ROGDI: variants seen among roughly 807,000 people sequenced by gnomAD.
The protein encoded by ROGDI is protein rogdi homolog.
A neutral mutation model predicts 43.1 loss-of-function variants in ROGDI; 46 were observed. That is an observed-to-expected ratio of 1.07 (90% CI 0.84 to 1.37). The LOEUF is 1.37. ROGDI is among the 40% of genes most tolerant of loss of function. The pLI, the probability that ROGDI is intolerant of heterozygous loss-of-function variation, is 0.00. For synonymous variants in ROGDI, 243 were observed against 162.0 expected (o/e 1.50, Z -3.80); for missense variants, 518 against 383.9 (o/e 1.35, Z -2.92).
intron 2 of ROGDI, 131 bp downstream of exon 2, chr16:4,802,251 G>T: frequency 1.2e-6 from 1 of 831,782 alleles, no homozygotes; most frequent in African/African-American, 1.7e-5. Context: ...CGCGGAGGCG[G>T]GGCCCTGCCT....
chr16:4,800,750 G>T (rs2082705187), intron 4 of ROGDI, 172 bp from the exon 5 acceptor site: 1 of 598,160 alleles, frequency 1.7e-6, no homozygotes. Context: ...GAACAGGGAG[G>T]TCAGGAAACA....
intron 5 of ROGDI, 51 bp from the exon 6 acceptor site, chr16:4,799,832 G>A (rs963272652): frequency 5.9e-6 from 8 of 1,359,784 alleles, no homozygotes; most frequent in Admixed American, 1.8e-5. Context: ...ATGCGGCCAG[G>A]AGGGGAGAGT....
intron 4 of ROGDI, chr16:4,800,884 A>C: frequency 2.0e-6 from 1 of 509,848 alleles, no homozygotes; most frequent in Non-Finnish European, 3.5e-6. Context: ...AGTGTCTACA[A>C]AGGGCAACAG....
chr16:4,798,430 A>T, intron 7 of ROGDI, 139 bp downstream of exon 7: 1 of 757,564 alleles, frequency 1.3e-6, no homozygotes, highest in Admixed American at 2.9e-5. Flanking sequence ...GAAGCCAAGG[A>T]CCCCATCCCA....
chr16:4,802,527 C>G lies in ROGDI; in HGVS notation c.45G>C (p.Leu15=). 2 of 1,255,022 alleles carry G rather than the reference C, an allele frequency of 1.6e-6. No individual in the cohort carries two copies. Among genetic ancestry groups the G allele is most frequent in the Non-Finnish European group, 2.0e-6 (2 of 996,414 alleles). 77.7% of individuals were successfully genotyped at this position (1,255,022 alleles called of 1,614,324 possible). A position where few individuals can be genotyped will look rare whatever the true frequency, so the allele number is the denominator to read the frequency against. Reference sequence around the variant, plus strand: ...CCGCCCGCTGGCCCGCGCGCCTTACCAGCACCGCCCGCTCCGCCGCCGTCG... The same window carrying G: ...CCGCCCGCTGGCCCGCGCGCCTTACGAGCACCGCCCGCTCCGCCGCCGTCG... ...MAATAAERAV[L]EEEFRWLLHD... is the part of the protein sequence containing the mutation. The change falls in exon 1 of 11, where the codon CTG becomes CTC. Residue 15 remains leucine (L), a splice_region_variant and synonymous_variant. Coordinates refer to ENST00000322048, the MANE Select transcript of ROGDI (RefSeq NM_024589.3).
In ROGDI at chr16:4,801,535, G is replaced by A. The variant is rs886311626; in HGVS notation, c.168C>T (p.Ala56=). 3 of 1,607,092 alleles carry A rather than the reference G, an allele frequency of 1.9e-6. No individual in the cohort carries two copies. Among genetic ancestry groups the A allele is most frequent in the Admixed American group, 1.7e-5 (1 of 58,766 alleles). ...TLPGSGTEGP[A]KQENFILGSC... ...TGCCTAGGATGAAGTTCTCTTGCTT[G>A]GCGGGCCCCTCAGTGCCGGAGCCCG... The change falls in exon 3 of 11, where the codon GCC becomes GCT. Residue 56 remains alanine (A), a synonymous_variant. Coordinates refer to ENST00000322048, the MANE Select transcript of ROGDI (RefSeq NM_024589.3).
At chr16:4,799,827 G>T (rs1295956440) in intron 5 of ROGDI, 46 bp from the exon 6 acceptor site, 8 of 1,382,214 alleles carry the variant, frequency 5.8e-6, no homozygotes, top group South Asian at 1.2e-5. Context: ...CTTCCATGCG[G>T]CCAGGAGGGG....
At position 4,799,752 on chromosome 16, in the gene ROGDI, T is replaced by C; in HGVS notation, c.366A>G (p.Gln122=). The change falls in exon 6 of 11, where the codon CAA becomes CAG. Residue 122 remains glutamine, a synonymous_variant. Transcript: ENST00000322048. ...CCCGGCTGGTAAGCAGGTAAATGGC[T>C]TGGCTCACATGGTTTCTGGCATCCT... ...QIQDARNHVS[Q]AIYLLTSRDQ... The C allele has an allele frequency of 6.2e-7, 1 of 1,613,738 alleles. No individual in the cohort carries two copies. The highest frequency in any genetic ancestry group is 1.1e-5 in the South Asian group (1 of 91,054).
At chr16:4,797,917 C>A in intron 9 of ROGDI, 21 bp downstream of exon 9, 1 of 1,598,904 alleles carries the variant, frequency 6.3e-7, no homozygotes, top group Non-Finnish European at 8.5e-7. Context: ...GTGCCTGGAC[C>A]CCCCGCCCCT....
chr16:4,802,068 G>A (rs2082734172), intron 2 of ROGDI: 4 of 613,788 alleles, frequency 6.5e-6, no homozygotes, highest in Non-Finnish European at 1.2e-5. Context: ...CTTGGCTGAA[G>A]TCACACTGCC....
intron 2 of ROGDI, 157 bp from the exon 3 acceptor site, chr16:4,801,742 GC>G: frequency 6.1e-6 from 4 of 656,056 alleles, no homozygotes; most frequent in Admixed American, 2.5e-5. Context: ...CCCTGCCCAA[GC>G]CCCCAGGGCA....
chr16:4,802,413 G>C lies in ROGDI; in HGVS notation c.86C>G (p.Ala29Gly). The change falls in exon 2 of 11, where the codon GCT (alanine) becomes GGT (glycine). Residue 29 changes from alanine (A) to glycine (G), a missense_variant. Ala to Gly is a moderately conservative substitution (Grantham distance 60, BLOSUM62 0). Transcript: ENST00000322048. ...GATGTCCTGCAGCTGCTTCAACACAGCGTGCACCTCGTCGTGCAGCAGCCA... is the reference window on the plus strand; with the variant it reads ...GATGTCCTGCAGCTGCTTCAACACACCGTGCACCTCGTCGTGCAGCAGCCA... Reference protein sequence around the residue: ...FRWLLHDEVHAVLKQLQDILK... With the variant: ...FRWLLHDEVHGVLKQLQDILK... 2 of 1,540,634 alleles carry C rather than the reference G, an allele frequency of 1.3e-6. No homozygotes were observed. Among genetic ancestry groups the C allele is most frequent in the Non-Finnish European group, 1.7e-6 (2 of 1,149,426 alleles).
chr16:4,802,354 C>T, intron 2 of ROGDI, 28 bp downstream of exon 2: 1 of 1,547,108 alleles, frequency 6.5e-7, no homozygotes, highest in South Asian at 1.2e-5. Flanking sequence ...GGCCGCCACG[C>T]CCGGCGGGGC....
Position 4,797,046 on chromosome 16 carries a change from C to T in ROGDI, c.*414G>A, listed in dbSNP as rs554770999. On this transcript the variant is annotated 3_prime_UTR_variant, in exon 11 of 11. Coordinates refer to ENST00000322048, the MANE Select transcript of ROGDI (RefSeq NM_024589.3). ...ACAGTCACCAGCACTATACTCACTC[C>T]TAGGGTGGCTCTGTCTGTGGCGTTC... 81 of 218,582 alleles carry T rather than the reference C, an allele frequency of 3.7e-4. No individual in the cohort carries two copies. The Middle Eastern group carries it at 5.2e-3, about 14-fold the overall frequency. 13.5% of individuals were successfully genotyped at this position (218,582 alleles called of 1,614,324 possible). A position where few individuals can be genotyped will look rare whatever the true frequency, so the allele number is the denominator to read the frequency against.
chr16:4,801,751 G>C, intron 2 of ROGDI, 166 bp from the exon 3 acceptor site: 1 of 634,778 alleles, frequency 1.6e-6, no homozygotes, highest in South Asian at 1.8e-5. Context: ...AGCCCCCAGG[G>C]CACCTAACCG....
intron 7 of ROGDI, 101 bp downstream of exon 7, chr16:4,798,468 C>A: frequency 1.1e-6 from 1 of 935,400 alleles, no homozygotes; most frequent in Non-Finnish European, 1.6e-6. Context: ...AATATTCCAC[C>A]TATAATCTGG....
intron 6 of ROGDI, among the ~76,000 whole-genome samples, chr16:4,799,468 C>G (rs1026785051): frequency 6.6e-6 from 1 of 152,038 alleles, no homozygotes; most frequent in Non-Finnish European, 1.5e-5. Flanking sequence ...TGGTGTGTGC[C>G]GAGTGCTTAC....
At chr16:4,802,310 G>A (rs1266726996) in intron 2 of ROGDI, 72 bp downstream of exon 2, 1 of 1,341,856 alleles carries the variant, frequency 7.5e-7, no homozygotes. Context: ...GCAGCCGCGC[G>A]GCCCCAGGTG....
chr16:4,800,080 T>C (rs1344127440), intron 5 of ROGDI, among the ~76,000 whole-genome samples: 1 of 151,950 alleles, frequency 6.6e-6, no homozygotes, highest in Non-Finnish European at 1.5e-5. Context: ...GCAAGGGTGC[T>C]GAGATGGAGA....
Sources: allele counts gnomAD v4.1 joint callset (sites outside exome capture counted in the v4.1 genomes callset), GRCh38; gene constraint gnomAD v4.1.1; transcripts MANE v1.5; gene names NCBI Gene and HGNC (gene_info 2026-07-23, HGNC 2026-07-21).